CUX1: variants seen among roughly 807,000 people sequenced by gnomAD.
The protein encoded by CUX1 is cut like homeobox 1.
CUX1 carries 31 observed loss-of-function variants against 158.8 expected under a neutral mutation model. The ratio of observed to expected loss-of-function variants is 0.20; its 90% CI spans 0.15 to 0.26. The LOEUF (loss-of-function observed/expected upper bound fraction) is 0.26, where lower values mean the gene tolerates loss of function less well. Ranked by LOEUF, CUX1 falls within the 10% of genes least tolerant of loss-of-function variation. The pLI is 1.00. For synonymous variants in CUX1, 879 were observed against 862.1 expected, an observed-to-expected ratio of 1.02 and a Z score of -0.34; for missense variants, 1,589 against 2,014.6, an observed-to-expected ratio of 0.79 and a Z score of 4.04.
At chr7:102,211,707 G>A (rs1796543419) in intron 20 of CUX1, among the ~76,000 whole-genome samples, 1 of 148,132 alleles carries the variant, frequency 6.8e-6, no homozygotes, top group African/African-American at 2.5e-5. Context: ...TTGAACCCGA[G>A]AGACCCAGGT....
chr7:101,921,974 C>A (rs1464434741), intron 2 of CUX1, among the ~76,000 whole-genome samples: 1 of 151,902 alleles, frequency 6.6e-6, no homozygotes, highest in African/African-American at 2.4e-5. Flanking sequence ...AAAAGATTAG[C>A]CAGGATGGTG....
Position 101,990,177 on chromosome 7 carries a change from G to T in CUX1, c.142-37921G>T, listed in dbSNP as rs577105289. Among the ~76,000 whole-genome samples the T allele has an allele frequency of 2.0e-5, 3 of 151,882 alleles. No homozygotes were observed. The East Asian group carries it at 5.8e-4, about 29-fold the overall frequency. Reference sequence around the variant, plus strand: ...ATTTTGAGACCAGCCTGGACAACATGGTAAGACCCCATCTCTTAAGGAAAA... The same window carrying T: ...ATTTTGAGACCAGCCTGGACAACATTGTAAGACCCCATCTCTTAAGGAAAA... On this transcript the variant is annotated intron_variant, in intron 2 of 23. Coordinates refer to ENST00000292535, the MANE Select transcript of CUX1 (RefSeq NM_181552.4).
At chr7:102,275,159 C>T in intron 16 of CUX1, 3 of 900,832 alleles carry the variant, frequency 3.3e-6, no homozygotes, top group Non-Finnish European at 5.2e-6. Flanking sequence ...TGGCAGAAAT[C>T]CCCCAGGGCT....
chr7:102,137,156 C>T (rs1177074296), intron 8 of CUX1, among the ~76,000 whole-genome samples: 2 of 152,264 alleles, frequency 1.3e-5, no homozygotes, highest in East Asian at 3.9e-4. Context: ...ATCGTGGAGG[C>T]TCTTGGTTTA....
chr7:102,259,420 T>G (rs1294164496), downstream of CUX1, among the ~76,000 whole-genome samples: 6 of 152,222 alleles, frequency 3.9e-5, no homozygotes, highest in Non-Finnish European at 7.4e-5. Context: ...AAACCCCGTC[T>G]CTACTAAAAA....
At position 102,248,537 on chromosome 7, in the gene CUX1, G is replaced by A; in HGVS notation, c.4013G>A (p.Cys1338Tyr). Residue 1338 changes from cysteine (C) to tyrosine (Y), a missense_variant, in exon 24 of 24, where the codon TGC becomes TAC. By Grantham distance (194) the Cys-to-Tyr change is radical. Around this residue, in one of 8 missense-constraint regions of CUX1, gnomAD observed 344 missense variants for 323.7 expected, o/e 1.06. Transcript: ENST00000292535. This position sits in a 1 kb window ranked among gnomAD's most constrained non-coding sequence, Gnocchi z 5.8. ...GCGCCCAGCTCGGAGGGCGACAGCT[G>A]CGACGGCGTGGAGGCCACTGAGGGC... ...RAAPSSEGDS[C>Y]DGVEATEGPG... is the part of the protein sequence containing the mutation. 2 of 1,513,766 alleles carry A rather than the reference G, an allele frequency of 1.3e-6. No individual in the cohort carries two copies. Among genetic ancestry groups the A allele is most frequent in the South Asian group, 1.2e-5 (1 of 82,322 alleles). The allele number at this position is 1,513,766 out of a possible 1,614,324, so 93.8% of individuals were successfully genotyped here.
At position 101,869,510 on chromosome 7, in the gene CUX1, G is replaced by A. The variant is rs1162512277; in HGVS notation, c.31-46605G>A. Among the ~76,000 whole-genome samples the A allele has an allele frequency of 1.3e-5, 2 of 152,162 alleles. No individual in the cohort carries two copies. The highest frequency in any genetic ancestry group is 2.9e-5 in the Non-Finnish European group (2 of 68,028). ...TTAAAGGCAAGAGCTGGAGGCCCAG[G>A]GCTGAGGCTGTGGGGTGAGCACAGC... is the stretch of plus-strand genomic sequence containing the variant. On this transcript the variant is annotated intron_variant, in intron 1 of 23. Coordinates refer to ENST00000292535, the MANE Select transcript of CUX1 (RefSeq NM_181552.4). The surrounding 1 kb of genome is among the most constrained non-coding windows in gnomAD (Gnocchi z 4.5).
intron 11 of CUX1, 135 bp downstream of exon 11, chr7:102,178,792 C>A (rs1230106371): frequency 2.2e-6 from 2 of 909,128 alleles, no homozygotes; most frequent in Non-Finnish European, 3.3e-6. Flanking sequence ...AAAGTAGCAC[C>A]AAGCAGAGTC....
At chr7:101,940,321 T>C (rs1269949102) in intron 2 of CUX1, among the ~76,000 whole-genome samples, 1 of 150,946 alleles carries the variant, frequency 6.6e-6, no homozygotes, top group Non-Finnish European at 1.5e-5. Flanking sequence ...GGAAAAAAGA[T>C]GTAAGTGTTG....
chr7:101,983,608 ATCTGCTGCTGGTGAGGCC>A (rs1212903678), intron 2 of CUX1, among the ~76,000 whole-genome samples: 2 of 152,218 alleles, frequency 1.3e-5, no homozygotes, highest in Non-Finnish European at 2.9e-5. Flanking sequence ...TGACGCCAGC[ATCTGCTGCTGGTGAGGCC>A]TCAGGAAGCT....
chr7:101,831,242 A>G (rs994342067), intron 1 of CUX1, among the ~76,000 whole-genome samples: 6 of 151,510 alleles, frequency 4.0e-5, no homozygotes, highest in Non-Finnish European at 8.8e-5. Context: ...ATTCTAGCAT[A>G]GGGATTGAGT....
intron 1 of CUX1, among the ~76,000 whole-genome samples, chr7:101,848,280 AC>A (rs1157883869): frequency 6.6e-6 from 1 of 151,804 alleles, no homozygotes; most frequent in African/African-American, 2.4e-5. Flanking sequence ...ATCTGCTTAC[AC>A]GTTAAACCCA....
chr7:102,044,020 G>A (rs970461389), intron 3 of CUX1, among the ~76,000 whole-genome samples: 7 of 152,120 alleles, frequency 4.6e-5, no homozygotes, highest in Admixed American at 2.0e-4. Flanking sequence ...GTCTCACTCT[G>A]TTGTGCAGAC....
At chr7:102,003,352 A>C (rs1816949797) in intron 2 of CUX1, among the ~76,000 whole-genome samples, 1 of 137,590 alleles carries the variant, frequency 7.3e-6, no homozygotes, top group African/African-American at 2.7e-5. Flanking sequence ...CCCCCGCTCC[A>C]CTGTTCTGTT....
intron 2 of CUX1, among the ~76,000 whole-genome samples, chr7:102,013,072 G>A (rs1818210931): frequency 6.7e-6 from 1 of 149,532 alleles, no homozygotes; most frequent in African/African-American, 2.5e-5. Flanking sequence ...TAGGTACTTT[G>A]ATCTACCTCA....
intron 2 of CUX1, among the ~76,000 whole-genome samples, chr7:101,991,605 CA>C (rs1268647804): frequency 6.6e-6 from 1 of 151,878 alleles, no homozygotes; most frequent in African/African-American, 2.4e-5. Context: ...CTAAAAATAC[CA>C]AAATTAGCTG....
chr7:102,247,757 G>A (rs1172519647), intron 23 of CUX1, among the ~76,000 whole-genome samples: 5 of 152,224 alleles, frequency 3.3e-5, no homozygotes. Context: ...GTAGTTGGAG[G>A]CTGCAGTGAG....
intron 2 of CUX1, among the ~76,000 whole-genome samples, chr7:101,969,982 CAAAAAA>C (rs34167642): frequency 5.4e-4 from 30 of 55,666 alleles, no homozygotes; most frequent in African/African-American, 1.6e-3. Context: ...GAGTTAGCAC[CAAAAAA>C]AAAAAAAAAA....
intron 2 of CUX1, among the ~76,000 whole-genome samples, chr7:101,936,975 G>A (rs980867049): frequency 6.6e-5 from 10 of 152,170 alleles, no homozygotes; most frequent in Non-Finnish European, 1.5e-4. Flanking sequence ...GACTTAGTGA[G>A]ACACAGTCAC....
Sources: gnomAD v4.1 joint callset for allele counts (sites outside exome capture counted in the v4.1 genomes callset) on GRCh38, gnomAD v4.1.1 for gene constraint, gnomAD v4.1.1 regional missense constraint, Gnocchi (gnomAD v3.1) non-coding constraint, MANE v1.5 for transcripts, NCBI Gene and HGNC (gene_info 2026-07-23, HGNC 2026-07-21) for gene names.